CDC73: variants seen among roughly 807,000 people sequenced by gnomAD.
CDC73 encodes cell division cycle 73, also known as parafibromin.
CDC73 carries 21 observed loss-of-function variants against 83.7 expected under a neutral mutation model. The ratio of observed to expected loss-of-function variants is 0.25; its 90% CI spans 0.18 to 0.36. The LOEUF is 0.36. Among genes scored for constraint, CDC73 ranks in the 10% least tolerant of loss-of-function variants. The pLI, the probability that CDC73 is intolerant of heterozygous loss-of-function variation, is 1.00. For missense variants in CDC73, 342 were observed against 653.3 expected, an observed-to-expected ratio of 0.52 and a Z score of 5.19; for synonymous variants, 224 against 212.9, an observed-to-expected ratio of 1.05 and a Z score of -0.45.
At chr1:193,148,010 A>AC in intron 8 of CDC73, 45 bp downstream of exon 8, 1 of 1,239,746 alleles carries the variant, frequency 8.1e-7, no homozygotes, top group Non-Finnish European at 1.2e-6. Flanking sequence ...TGAAGTTGCC[A>AC]CTTATATTGC....
intron 13 of CDC73, among the ~76,000 whole-genome samples, chr1:193,222,568 A>C: frequency 6.6e-6 from 1 of 152,278 alleles, no homozygotes; most frequent in Middle Eastern, 3.4e-3. Context: ...TTAGTGTGAT[A>C]ATCAGTCCTA....
intron 15 of CDC73, among the ~76,000 whole-genome samples, chr1:193,246,782 T>C (rs1292899655): frequency 6.6e-6 from 1 of 152,188 alleles, no homozygotes; most frequent in South Asian, 2.1e-4. Context: ...ATTGTCCATG[T>C]CACTTAAATA....
intron 7 of CDC73, 62 bp downstream of exon 7, chr1:193,142,128 C>T (rs2103126648): frequency 7.5e-7 from 1 of 1,340,330 alleles, no homozygotes. Flanking sequence ...TGCGTTTAAT[C>T]TGTGGTTATA....
chr1:193,182,548 T>C (rs1676734877), intron 10 of CDC73, among the ~76,000 whole-genome samples: 1 of 152,178 alleles, frequency 6.6e-6, no homozygotes, highest in Non-Finnish European at 1.5e-5. Context: ...TTTTTAAATA[T>C]CCTTGAGTTG....
Position 193,122,215 on chromosome 1 carries a change from T to G in CDC73, c.15T>G (p.Leu5=), listed in dbSNP as rs2103111572. 1 of 1,614,050 alleles carries G rather than the reference T, an allele frequency of 6.2e-7. No individual in the cohort carries two copies. Among genetic ancestry groups the G allele is most frequent in the East Asian group, 2.2e-5 (1 of 44,860 alleles). The change falls in exon 1 of 17, where the codon CTT becomes CTG. Residue 5 remains leucine, a synonymous_variant. Coordinates refer to ENST00000367435, the MANE Select transcript of CDC73 (RefSeq NM_024529.5). The part of the protein sequence containing the change: MADV[L]SVLRQYNIQK... ...GGGGGGGGAAGATGGCGGACGTGCTTAGCGTCCTGCGACAGTACAACATCC... is the reference window on the plus strand; with the variant it reads ...GGGGGGGGAAGATGGCGGACGTGCTGAGCGTCCTGCGACAGTACAACATCC...
At chr1:193,242,372 G>A (rs1357756821) in intron 15 of CDC73, among the ~76,000 whole-genome samples, 1 of 152,158 alleles carries the variant, frequency 6.6e-6, no homozygotes, top group Non-Finnish European at 1.5e-5. Context: ...GTCTGAGGTG[G>A]GAATGTGGAC....
chr1:193,160,985 C>A (rs923884637), intron 10 of CDC73: 3 of 158,146 alleles, frequency 1.9e-5, no homozygotes, highest in African/African-American at 4.8e-5. Flanking sequence ...TTCCTGCATT[C>A]AAATTTTTTA....
Position 193,241,691 on chromosome 1 carries a change from C to T in CDC73, c.1417+5335C>T, listed in dbSNP as rs963372095. On this transcript the variant is annotated intron_variant, in intron 15 of 16. Coordinates refer to ENST00000367435, the MANE Select transcript of CDC73 (RefSeq NM_024529.5). ...TGGTGGTAGTGGCAGGTTGGTTGGGCGTGTCTTCTGCCCCTGGGAAAAGTG... is the reference window on the plus strand; with the variant it reads ...TGGTGGTAGTGGCAGGTTGGTTGGGTGTGTCTTCTGCCCCTGGGAAAAGTG... 2.3e-3 allele frequency among the ~76,000 whole-genome samples: 357 copies of T among 152,154 alleles called. 2 individuals carry two copies. The highest frequency in any genetic ancestry group is 8.3e-3 in the African/African-American group (346 of 41,524).
intron 13 of CDC73, among the ~76,000 whole-genome samples, chr1:193,232,363 T>C (rs938752714): frequency 5.9e-5 from 9 of 152,258 alleles, no homozygotes; most frequent in African/African-American, 2.2e-4. Context: ...TATCATGAAG[T>C]TTTCCTCTAA....
chr1:193,124,503 G>C (rs546662634), intron 1 of CDC73, among the ~76,000 whole-genome samples: 1 of 152,254 alleles, frequency 6.6e-6, no homozygotes, highest in Non-Finnish European at 1.5e-5. Flanking sequence ...AGAAGGAAGG[G>C]TAGGATTGGA....
At chr1:193,235,225 A>T (rs1280752424) in intron 14 of CDC73, among the ~76,000 whole-genome samples, 1 of 152,120 alleles carries the variant, frequency 6.6e-6, no homozygotes, top group Non-Finnish European at 1.5e-5. Context: ...GCCCTAGCAT[A>T]GTAATTTATT....
At chr1:193,220,198 G>A (rs188104526) in intron 13 of CDC73, among the ~76,000 whole-genome samples, 1,433 of 121,762 alleles carry the variant, frequency 0.012, 29 homozygotes, top group African/African-American at 0.042. Context: ...ACGGAGTCTC[G>A]CCGTGTCACC....
chr1:193,169,219 A>G (rs1676481258), intron 10 of CDC73, among the ~76,000 whole-genome samples: 4 of 152,158 alleles, frequency 2.6e-5, no homozygotes, highest in Admixed American at 2.6e-4. Flanking sequence ...TGGCATATGC[A>G]TTAAGTAAAA....
intron 13 of CDC73, among the ~76,000 whole-genome samples, chr1:193,219,096 A>G (rs764014327): frequency 2.0e-5 from 3 of 152,252 alleles, no homozygotes; most frequent in Non-Finnish European, 4.4e-5. Context: ...ACACTTCTCA[A>G]AAGAAGATAT....
At chr1:193,211,160 A>AC (rs921962009) in intron 11 of CDC73, among the ~76,000 whole-genome samples, 4 of 152,054 alleles carry the variant, frequency 2.6e-5, no homozygotes, top group East Asian at 3.9e-4. Context: ...ACATTCCAAG[A>AC]CCCCCCAGCG....
At chr1:193,128,330 G>A (rs1675622213) in intron 2 of CDC73, among the ~76,000 whole-genome samples, 1 of 151,686 alleles carries the variant, frequency 6.6e-6, no homozygotes, top group African/African-American at 2.4e-5. Flanking sequence ...GTCTTGCTCT[G>A]TCACCCAGGC....
At chr1:193,130,915 CCT>C (rs1474496751) in intron 3 of CDC73, among the ~76,000 whole-genome samples, 20 of 152,228 alleles carry the variant, frequency 1.3e-4, no homozygotes, top group African/African-American at 4.3e-4. Flanking sequence ...TCGTTGTTCA[CCT>C]CTCAGTTTAT....
At chr1:193,234,150 T>TTCTCTC (rs1301715434) in intron 14 of CDC73, among the ~76,000 whole-genome samples, 11 of 107,430 alleles carry the variant, frequency 1.0e-4, no homozygotes, top group African/African-American at 3.8e-4. Context: ...GGTAGGATAA[T>TTCTCTC]TCTCTCTCTC....
intron 10 of CDC73, among the ~76,000 whole-genome samples, chr1:193,173,783 A>G (rs773742134): frequency 2.6e-5 from 4 of 152,210 alleles, no homozygotes; most frequent in Non-Finnish European, 5.9e-5. Context: ...TAAAATCAAG[A>G]TATTTTTTAA....
Sources: allele counts gnomAD v4.1 joint callset (sites outside exome capture counted in the v4.1 genomes callset), GRCh38; gene constraint gnomAD v4.1.1; transcripts MANE v1.5; gene names NCBI Gene and HGNC (gene_info 2026-07-23, HGNC 2026-07-21).